The following CRYBG3 variants were observed in gnomAD, a reference collection of about 807,000 sequenced individuals.
CRYBG3 encodes the protein very large A-kinase anchor protein.
A neutral mutation model predicts 244.2 loss-of-function variants in CRYBG3; 127 were observed. The observed-to-expected ratio is 0.52, with a 90% CI of 0.45 to 0.60. CRYBG3 has a LOEUF of 0.60. Ranked by LOEUF, CRYBG3 falls within the 20% of genes least tolerant of loss-of-function variation. CRYBG3 has a pLI of 0.00. For missense variants in CRYBG3, 3,325 were observed against 3,442.5 expected, an observed-to-expected ratio of 0.97 and a Z score of 0.85; for synonymous variants, 1,132 against 1,195.8, an observed-to-expected ratio of 0.95 and a Z score of 1.10.
At chr3:97,834,661 A>C (rs1398347684) in intron 1 of CRYBG3, among the ~76,000 whole-genome samples, 1 of 152,202 alleles carries the variant, frequency 6.6e-6, no homozygotes, top group Non-Finnish European at 1.5e-5. Context: ...TATCAGTAAA[A>C]GCTGAAAATG....
Position 97,913,627 on chromosome 3 carries a change from G to A in CRYBG3, c.8114+1351G>A, listed in dbSNP as rs183301290. ...GAAAACCAGTCTTAGCTTATAGGCT[G>A]TTTGAAAACAAGCAGTGGGGCAGAT... On this transcript the variant is annotated intron_variant, in intron 16 of 21. Coordinates refer to ENST00000389622, the MANE Select transcript of CRYBG3 (RefSeq NM_153605.4). 6.2e-4 allele frequency among the ~76,000 whole-genome samples: 95 copies of A among 152,268 alleles called. No individual in the cohort carries two copies. In the East Asian group the frequency reaches 0.018, roughly 28 times the overall value.
At chr3:97,843,405 G>A (rs1165419405) in intron 2 of CRYBG3, 144 bp downstream of exon 2, 2 of 591,622 alleles carry the variant, frequency 3.4e-6, no homozygotes, top group Non-Finnish European at 2.9e-6. Flanking sequence ...AACTTTGTCA[G>A]ACACTTGCAT....
At position 97,877,374 on chromosome 3, in the gene CRYBG3, G is replaced by C. The variant is rs184497738; in HGVS notation, c.6180G>C (p.Glu2060Asp). The change falls in exon 4 of 22, where the codon GAG becomes GAC. Residue 2060 changes from glutamate to aspartate, a missense_variant. By Grantham distance (45) the Glu-to-Asp change is conservative (BLOSUM62 2). Coordinates refer to ENST00000389622, the MANE Select transcript of CRYBG3 (RefSeq NM_153605.4). ...TTGAAAAAGGTACTAAATTAGGTGA[G>C]ACATTTGATAGTGATAGTTCAGAAA... is the stretch of plus-strand genomic sequence containing the variant. Reference protein sequence around the residue: ...HHFEKGTKLGETFDSDSSEMF... With the variant: ...HHFEKGTKLGDTFDSDSSEMF... 15 of 1,614,106 alleles carry C rather than the reference G, an allele frequency of 9.3e-6. No individual in the cohort carries two copies. The East Asian group carries it at 3.1e-4, about 34-fold the overall frequency.
intron 1 of CRYBG3, among the ~76,000 whole-genome samples, chr3:97,831,787 G>T (rs932722441): frequency 2.0e-5 from 3 of 152,138 alleles, no homozygotes; most frequent in Non-Finnish European, 4.4e-5. Flanking sequence ...AACGATAAAA[G>T]TTTTATTTAT....
chr3:97,878,642 A>G (rs1446060222), intron 4 of CRYBG3, among the ~76,000 whole-genome samples: 1 of 152,180 alleles, frequency 6.6e-6, no homozygotes, highest in South Asian at 2.1e-4. Flanking sequence ...CAACATTCCA[A>G]ATTTCTCAAG....
rs140793528 is a variant in CRYBG3, at chr3:97,877,857, G to A, written c.6663G>A (p.Gln2221=). The A allele has an allele frequency of 6.2e-6, 10 of 1,614,086 alleles. No homozygotes were observed. In the African/African-American group the frequency reaches 1.3e-4, roughly 22 times the overall value. The change falls in exon 4 of 22, where the codon CAG becomes CAA. Residue 2221 remains glutamine, a synonymous_variant. Coordinates refer to ENST00000389622, the MANE Select transcript of CRYBG3 (RefSeq NM_153605.4). ...GLWPEKTSFL[Q]KSDLTSKLHS... ...GGCCAGAAAAGACCTCGTTTCTCCAGAAATCTGACCTTACTTCTAAACTAC... is the reference window on the plus strand; with the variant it reads ...GGCCAGAAAAGACCTCGTTTCTCCAAAAATCTGACCTTACTTCTAAACTAC...
rs1370173155 is a variant in CRYBG3, at chr3:97,871,933, G to T, written c.739G>T (p.Gly247Cys). The T allele has an allele frequency of 1.3e-6, 2 of 1,535,680 alleles. No homozygotes were observed. Among genetic ancestry groups the T allele is most frequent in the Non-Finnish European group, 1.7e-6 (2 of 1,146,698 alleles). The part of the protein sequence containing the change: ...HIGKYLKQQT[G>C]LATVNTLDRE... The stretch of plus-strand genomic sequence containing the variant: ...TGGGAAATATTTAAAGCAACAGACA[G>T]GCTTGGCAACTGTGAATACCTTGGA... The change falls in exon 4 of 22, where the codon GGC becomes TGC. Residue 247 changes from glycine to cysteine, a missense_variant. Around this residue, in one of 4 missense-constraint regions of CRYBG3, gnomAD observed 1,526 missense variants for 1,443.2 expected, o/e 1.06. Transcript: ENST00000389622.
chr3:97,842,719 A>G (rs749784493), intron 1 of CRYBG3, among the ~76,000 whole-genome samples: 22 of 152,174 alleles, frequency 1.4e-4, no homozygotes, highest in Non-Finnish European at 4.4e-5. Flanking sequence ...AGATAAACCT[A>G]CATCTATTTT....
intron 2 of CRYBG3, among the ~76,000 whole-genome samples, chr3:97,844,789 T>C (rs1007138709): frequency 1.3e-5 from 2 of 152,178 alleles, no homozygotes; most frequent in Admixed American, 1.3e-4. Context: ...TGGGCCTCTA[T>C]GCTAACAATC....
At chr3:97,888,300 C>A in intron 8 of CRYBG3, 41 bp from the exon 9 acceptor site, 1 of 1,197,196 alleles carries the variant, frequency 8.4e-7, no homozygotes, top group Non-Finnish European at 1.2e-6. Context: ...CAGACTAAAG[C>A]AGTACTATTA....
chr3:97,838,485 C>A (rs908629873), intron 1 of CRYBG3, among the ~76,000 whole-genome samples: 2 of 152,036 alleles, frequency 1.3e-5, no homozygotes, highest in Admixed American at 6.6e-5. Context: ...GATTCCTGGG[C>A]CCCGTTCCAA....
intron 1 of CRYBG3, among the ~76,000 whole-genome samples, chr3:97,830,761 A>C (rs2038644279): frequency 6.6e-6 from 1 of 151,882 alleles, no homozygotes; most frequent in East Asian, 1.9e-4. Context: ...TTCAGTGTAG[A>C]CTCTACAAAT....
At chr3:97,907,925 C>T (rs1426608727) in intron 15 of CRYBG3, among the ~76,000 whole-genome samples, 7 of 151,568 alleles carry the variant, frequency 4.6e-5, no homozygotes, top group African/African-American at 1.2e-4. Flanking sequence ...TGAATGCGTC[C>T]CAGAGATTCT....
In CRYBG3 at chr3:97,874,845, C is replaced by T. The variant is rs1355561033; in HGVS notation, c.3651C>T (p.Phe1217=). 3.3e-6 allele frequency: 5 copies of T among 1,535,788 alleles called. No homozygotes were observed. The highest frequency in any genetic ancestry group is 4.4e-6 in the Non-Finnish European group (5 of 1,146,776). ...IFNSVREELK[F]KHTVSTCQEH... ...ATTCTGTCAGGGAAGAACTAAAATT[C>T]AAACACACAGTGAGTACCTGCCAGG... is the stretch of plus-strand genomic sequence containing the variant. The change falls in exon 4 of 22, where the codon TTC becomes TTT. Residue 1217 remains phenylalanine, a synonymous_variant. Coordinates refer to ENST00000389622, the MANE Select transcript of CRYBG3 (RefSeq NM_153605.4).
At chr3:97,905,531 A>G (rs1200649114) in intron 15 of CRYBG3, among the ~76,000 whole-genome samples, 7 of 152,132 alleles carry the variant, frequency 4.6e-5, no homozygotes, top group Non-Finnish European at 8.8e-5. Context: ...TTTTGGCTGC[A>G]TAAATGTCTT....
At chr3:97,836,517 A>C (rs548093624) in intron 1 of CRYBG3, among the ~76,000 whole-genome samples, 19 of 152,228 alleles carry the variant, frequency 1.2e-4, no homozygotes, top group Admixed American at 1.2e-3. Flanking sequence ...GACCTGCCGG[A>C]TGGGACTCCA....
chr3:97,936,905 G>A lies in CRYBG3; in HGVS notation c.8502G>A (p.Lys2834=). The stretch of plus-strand genomic sequence containing the variant: ...CAATTGGTTCCCTCCGTCCTATGAA[G>A]CAGGTAAGGAGAAAAGAACCATAAG... ...WKTIGSLRPM[K]QPAVYIRIKN... is the part of the protein sequence containing the mutation. The change falls in exon 19 of 22, where the codon AAG becomes AAA. Residue 2834 remains lysine, a synonymous_variant. Coordinates refer to ENST00000389622, the MANE Select transcript of CRYBG3 (RefSeq NM_153605.4). The A allele has an allele frequency of 6.2e-7, 1 of 1,612,040 alleles. No individual in the cohort carries two copies.
chr3:97,842,294 G>A (rs1293677621), intron 1 of CRYBG3, among the ~76,000 whole-genome samples: 1 of 152,128 alleles, frequency 6.6e-6, no homozygotes, highest in Non-Finnish European at 1.5e-5. Context: ...TGGGCGTAGT[G>A]ACTCCTGCCT....
At chr3:97,879,823 G>T (rs988820128) in intron 5 of CRYBG3, 75 bp downstream of exon 5, 6 of 1,088,470 alleles carry the variant, frequency 5.5e-6, no homozygotes, top group Non-Finnish European at 8.2e-6. Context: ...TTTAATATAA[G>T]TGACTTAGAT....
Sources: allele counts gnomAD v4.1 joint callset (sites outside exome capture counted in the v4.1 genomes callset), GRCh38; gene constraint gnomAD v4.1.1; regional missense constraint gnomAD v4.1.1; transcripts MANE v1.5; gene names NCBI Gene and HGNC (gene_info 2026-07-23, HGNC 2026-07-21).